Variants in COP1 observed in about 807,000 individuals in gnomAD.
The protein encoded by COP1 is E3 ubiquitin-protein ligase COP1.
Under a neutral mutation model 101.3 loss-of-function variants are expected in COP1, and 24 were observed. That is an observed-to-expected ratio of 0.24 (90% CI 0.17 to 0.33). The LOEUF is 0.33. Among genes scored for constraint, COP1 ranks in the 10% least tolerant of loss-of-function variants. The pLI, the probability that COP1 is intolerant of heterozygous loss-of-function variation, is 1.00. For missense variants in COP1, 663 were observed against 906.2 expected, an observed-to-expected ratio of 0.73 and a Z score of 3.45; for synonymous variants, 347 against 341.9, an observed-to-expected ratio of 1.01 and a Z score of -0.17.
chr1:176,138,058 A>G (rs1047021019), intron 6 of COP1, among the ~76,000 whole-genome samples: 2 of 152,186 alleles, frequency 1.3e-5, no homozygotes, highest in Non-Finnish European at 1.5e-5. Flanking sequence ...AGAGGACTAG[A>G]TAACTAAAAT....
chr1:176,097,607 G>A (rs1433818455), intron 9 of COP1, among the ~76,000 whole-genome samples: 3 of 152,144 alleles, frequency 2.0e-5, no homozygotes, highest in African/African-American at 7.2e-5. Context: ...AGCAGCTCAA[G>A]CCTGTAATCC....
chr1:176,197,378 T>C (rs1314112804), intron 1 of COP1, among the ~76,000 whole-genome samples: 1 of 152,162 alleles, frequency 6.6e-6, no homozygotes, highest in Non-Finnish European at 1.5e-5. Context: ...ATGGTGCCAC[T>C]GTACTCCAGC....
intron 1 of COP1, among the ~76,000 whole-genome samples, chr1:176,195,055 C>T (rs963755102): frequency 2.6e-5 from 4 of 151,592 alleles, no homozygotes; most frequent in Non-Finnish European, 4.4e-5. Flanking sequence ...CCACTGCACT[C>T]CAGCCTGGGT....
chr1:175,992,077 T>A (rs916014177), intron 15 of COP1, among the ~76,000 whole-genome samples: 3 of 152,214 alleles, frequency 2.0e-5, no homozygotes, highest in African/African-American at 7.2e-5. Flanking sequence ...TTTTTGAACA[T>A]TTTTAATTTT....
chr1:175,975,424 T>C (rs1053835870), intron 18 of COP1, among the ~76,000 whole-genome samples: 3 of 152,182 alleles, frequency 2.0e-5, no homozygotes, highest in African/African-American at 7.2e-5. Context: ...TCTCTTTTTT[T>C]TGAGACAGGG....
intron 15 of COP1, among the ~76,000 whole-genome samples, chr1:176,023,371 T>C (rs1311813727): frequency 2.6e-5 from 4 of 152,220 alleles, no homozygotes; most frequent in Non-Finnish European, 5.9e-5. Flanking sequence ...AGGAATGTTA[T>C]TAACAACTTT....
At chr1:176,026,739 G>C (rs1557951656) in intron 15 of COP1, among the ~76,000 whole-genome samples, 1 of 151,946 alleles carries the variant, frequency 6.6e-6, no homozygotes, top group East Asian at 1.9e-4. Context: ...AGTTGCTACT[G>C]TCTCCATCAT....
Position 176,176,023 on chromosome 1 carries a change from G to T in COP1, c.468-16C>A. The T allele has an allele frequency of 1.7e-6, 2 of 1,179,686 alleles. No homozygotes were observed. Among genetic ancestry groups the T allele is most frequent in the Non-Finnish European group, 2.5e-6 (2 of 811,492 alleles). 73.1% of individuals were successfully genotyped at this position (1,179,686 alleles called of 1,614,324 possible). ...ACACTTGTAGCTATTAGTAGGGGGG[G>T]AAAAAAAAGGCTTAATTAAATCAAT... On this transcript the variant is annotated splice_polypyrimidine_tract_variant and intron_variant, in intron 2 of 19. Transcript: ENST00000367669.
intron 9 of COP1, among the ~76,000 whole-genome samples, chr1:176,096,798 G>C (rs1001838570): frequency 2.6e-5 from 4 of 152,152 alleles, no homozygotes; most frequent in African/African-American, 9.7e-5. Context: ...AATCTGGTCT[G>C]CTTTACATAA....
chr1:176,036,417 C>T (rs573677154), intron 14 of COP1, among the ~76,000 whole-genome samples: 1 of 149,514 alleles, frequency 6.7e-6, no homozygotes, highest in South Asian at 2.1e-4. Context: ...AATAAATAAA[C>T]GAGAGGACAC....
At chr1:176,183,218 C>G (rs2774925) in intron 2 of COP1, among the ~76,000 whole-genome samples, 2 of 152,156 alleles carry the variant, frequency 1.3e-5, no homozygotes, top group Non-Finnish European at 2.9e-5. Flanking sequence ...GTTAATACCC[C>G]ATACTCTTCA....
At chr1:176,164,049 G>A (rs554644238) in intron 3 of COP1, among the ~76,000 whole-genome samples, 158 bp from the exon 4 acceptor site, 3 of 152,276 alleles carry the variant, frequency 2.0e-5, no homozygotes, top group South Asian at 2.1e-4. Context: ...TTTATTTCAA[G>A]TTAGAAAACA....
At chr1:176,119,856 T>G (rs945417711) in intron 8 of COP1, among the ~76,000 whole-genome samples, 2 of 152,182 alleles carry the variant, frequency 1.3e-5, no homozygotes, top group African/African-American at 4.8e-5. Flanking sequence ...TAGATAATAC[T>G]ATTATCATTC....
chr1:176,172,585 A>G (rs61081861), intron 3 of COP1, among the ~76,000 whole-genome samples: 277 of 152,344 alleles, frequency 1.8e-3, no homozygotes, highest in Middle Eastern at 6.8e-3. Flanking sequence ...TCAGAATCAT[A>G]TAACATATGC....
rs150157823 is a variant in COP1 at position 176,022,917 on chromosome 1, T to C, written c.1729+4655A>G. On this transcript the variant is annotated intron_variant, in intron 15 of 19. Coordinates refer to ENST00000367669, the MANE Select transcript of COP1 (RefSeq NM_022457.7). Reference sequence around the variant, plus strand: ...TCAATCAGATGCACTTATTTAAGATTTGAAAGGTGAACATTTTATGGTCGT... The same window carrying C: ...TCAATCAGATGCACTTATTTAAGATCTGAAAGGTGAACATTTTATGGTCGT... Among the ~76,000 whole-genome samples the C allele has an allele frequency of 2.6e-3, 400 of 152,352 alleles. 3 individuals carry two copies. The highest frequency in any genetic ancestry group is 9.2e-3 in the African/African-American group (382 of 41,586).
Position 176,043,130 on chromosome 1 carries a change from T to C in COP1, c.1612+56A>G. 7.9e-6 allele frequency: 8 copies of C among 1,012,164 alleles called. No individual in the cohort carries two copies. In the South Asian group the frequency reaches 1.1e-4, roughly 13 times the overall value. The allele number at this position is 1,012,164 out of a possible 1,614,324, so 62.7% of individuals were successfully genotyped here. On this transcript the variant is annotated intron_variant, in intron 14 of 19. Coordinates refer to ENST00000367669, the MANE Select transcript of COP1 (RefSeq NM_022457.7). ...TTTGTATTTCTGCCGATGAAAGGAA[T>C]TACAGTTAAGAGGGCCAGGGAGAAG...
At chr1:176,126,950 C>T (rs2149676269) in intron 8 of COP1, among the ~76,000 whole-genome samples, 1 of 152,222 alleles carries the variant, frequency 6.6e-6, no homozygotes, top group East Asian at 1.9e-4. Context: ...TCTATTTACA[C>T]CAAAATTTAA....
chr1:175,999,723 A>G (rs574906121), intron 15 of COP1, among the ~76,000 whole-genome samples: 4 of 152,192 alleles, frequency 2.6e-5, no homozygotes, highest in African/African-American at 9.6e-5. Flanking sequence ...TTACATTCCC[A>G]CCACCACTGT....
chr1:176,002,281 T>C (rs1454705890), intron 15 of COP1, among the ~76,000 whole-genome samples: 3 of 152,142 alleles, frequency 2.0e-5, no homozygotes, highest in African/African-American at 7.2e-5. Flanking sequence ...TTTTTCTTTG[T>C]ATTCTTTACA....
Sources: allele counts gnomAD v4.1 joint callset (sites outside exome capture counted in the v4.1 genomes callset), GRCh38; gene constraint gnomAD v4.1.1; transcripts MANE v1.5; gene names NCBI Gene and HGNC (gene_info 2026-07-23, HGNC 2026-07-21).